SLC2A12: variants seen among roughly 807,000 people sequenced by gnomAD.
SLC2A12 encodes the protein solute carrier family 2, facilitated glucose transporter member 12.
SLC2A12 carries 23 observed loss-of-function variants against 41.8 expected under a neutral mutation model. The ratio of observed to expected loss-of-function variants is 0.55; its 90% CI spans 0.40 to 0.78. The LOEUF is 0.78. Among genes scored for constraint, SLC2A12 ranks in the 30% least tolerant of loss-of-function variants. The pLI is 0.00. For synonymous variants in SLC2A12, 295 were observed against 285.9 expected, an observed-to-expected ratio of 1.03 and a Z score of -0.32; for missense variants, 654 against 745.6, an observed-to-expected ratio of 0.88 and a Z score of 1.43.
At position 133,987,648 on chromosome 6, in the gene SLC2A12, G is replaced by GTGTGTGTATATATATATATATATATA. The variant is rs200249148; in HGVS notation, c.*3506_*3507insTATATATATATATATATATACACACA. The GTGTGTGTATATATATATATATATATA allele has an allele frequency of 9.1e-5, 8 of 88,320 alleles. No homozygotes were observed. The highest frequency in any genetic ancestry group is 2.5e-4 in the African/African-American group (7 of 27,502). The allele number at this position is 88,320 out of a possible 1,614,324, so 5.5% of individuals were successfully genotyped here. A position where few individuals can be genotyped will look rare whatever the true frequency, so the allele number is the denominator to read the frequency against. On this transcript the variant is annotated 3_prime_UTR_variant, in exon 5 of 5. Coordinates refer to ENST00000275230, the MANE Select transcript of SLC2A12 (RefSeq NM_145176.3). ...TTTGTGTGTGTGTGTGTGTGTGTGT[G>GTGTGTGTATATATATATATATATATA]TATATATATATATATATATGCACCA...
intron 1 of SLC2A12, among the ~76,000 whole-genome samples, chr6:134,047,099 T>A (rs978500945): frequency 9.2e-5 from 14 of 152,218 alleles, no homozygotes; most frequent in African/African-American, 3.4e-4. Flanking sequence ...AAATAGCCTC[T>A]TGGGAAGGAG....
chr6:134,049,448 G>C (rs1773642982), intron 1 of SLC2A12, among the ~76,000 whole-genome samples: 1 of 152,340 alleles, frequency 6.6e-6, no homozygotes, highest in African/African-American at 2.4e-5. Flanking sequence ...CTGGGCCAGA[G>C]GCCACCAGGG....
chr6:134,003,894 T>C (rs1487831219), intron 3 of SLC2A12, among the ~76,000 whole-genome samples: 1 of 152,254 alleles, frequency 6.6e-6, no homozygotes, highest in East Asian at 1.9e-4. Context: ...TGTTGGTGTT[T>C]AAGGGCTTAC....
At chr6:134,031,999 A>G (rs1012456045) in intron 1 of SLC2A12, among the ~76,000 whole-genome samples, 2 of 152,188 alleles carry the variant, frequency 1.3e-5, no homozygotes, top group Non-Finnish European at 2.9e-5. Flanking sequence ...GTGTAAGTCA[A>G]ATGTTAGAAA....
At chr6:134,000,568 T>A (rs551781174) in intron 4 of SLC2A12, among the ~76,000 whole-genome samples, 14 of 152,364 alleles carry the variant, frequency 9.2e-5, no homozygotes, top group Non-Finnish European at 2.1e-4. Context: ...CCTCCCATTA[T>A]ATTAAAACCC....
intron 4 of SLC2A12, among the ~76,000 whole-genome samples, chr6:134,000,911 T>A (rs1404676108): frequency 6.6e-6 from 1 of 152,218 alleles, no homozygotes; most frequent in Non-Finnish European, 1.5e-5. Flanking sequence ...TGAGAGTTTT[T>A]CTGCTAATCT....
chr6:134,029,799 AC>A, intron 1 of SLC2A12, 78 bp from the exon 2 acceptor site: 1 of 1,497,966 alleles, frequency 6.7e-7, no homozygotes. Context: ...CGGAGATTTA[AC>A]CTTGTAGAAG....
At chr6:133,992,184 T>G (rs896231919) in intron 4 of SLC2A12, among the ~76,000 whole-genome samples, 9 of 152,118 alleles carry the variant, frequency 5.9e-5, no homozygotes, top group Non-Finnish European at 1.0e-4. Flanking sequence ...GCTTTGTGCG[T>G]GTGTGCGTGA....
At chr6:134,029,830 T>A in intron 1 of SLC2A12, 109 bp from the exon 2 acceptor site, 1 of 1,298,602 alleles carries the variant, frequency 7.7e-7, no homozygotes, top group Non-Finnish European at 1.0e-6. Flanking sequence ...GCACTGGGTT[T>A]AAACGAACAC....
chr6:133,998,904 C>T (rs1039236715), intron 4 of SLC2A12, among the ~76,000 whole-genome samples: 1 of 152,148 alleles, frequency 6.6e-6, no homozygotes, highest in Non-Finnish European at 1.5e-5. Flanking sequence ...GGTGCATATA[C>T]ACAAAGTGGA....
At chr6:134,018,768 T>C (rs1380615937) in intron 2 of SLC2A12, among the ~76,000 whole-genome samples, 1 of 152,160 alleles carries the variant, frequency 6.6e-6, no homozygotes, top group African/African-American at 2.4e-5. Flanking sequence ...TTTTTTCTTT[T>C]CGTCTGTCCC....
chr6:134,032,562 G>A (rs1463887909), intron 1 of SLC2A12, among the ~76,000 whole-genome samples: 2 of 144,198 alleles, frequency 1.4e-5, no homozygotes, highest in Non-Finnish European at 3.0e-5. Flanking sequence ...TTTAGCTGTG[G>A]TCTCAGTTGC....
intron 1 of SLC2A12, among the ~76,000 whole-genome samples, chr6:134,037,656 G>T (rs1235897270): frequency 1.3e-5 from 2 of 152,012 alleles, no homozygotes; most frequent in Admixed American, 1.3e-4. Flanking sequence ...GGCCAGGTTA[G>T]CTTTACTCTC....
chr6:134,002,466 A>C (rs1776765249), intron 3 of SLC2A12, among the ~76,000 whole-genome samples: 2 of 152,128 alleles, frequency 1.3e-5, no homozygotes, highest in Non-Finnish European at 2.9e-5. Flanking sequence ...ACCTCAAATA[A>C]CATGGAAACA....
intron 3 of SLC2A12, among the ~76,000 whole-genome samples, chr6:134,004,157 C>T (rs1038681808): frequency 1.3e-5 from 2 of 152,158 alleles, no homozygotes; most frequent in Admixed American, 6.5e-5. Context: ...GTCATCTTTT[C>T]CATCCCTCAT....
chr6:134,015,559 T>C (rs1776949016), intron 2 of SLC2A12, among the ~76,000 whole-genome samples: 1 of 152,172 alleles, frequency 6.6e-6, no homozygotes, highest in African/African-American at 2.4e-5. Flanking sequence ...TCTGAAGATA[T>C]GTAATTATCC....
At chr6:134,006,753 T>C in intron 3 of SLC2A12, 59 bp downstream of exon 3, 2 of 1,602,170 alleles carry the variant, frequency 1.2e-6, no homozygotes, top group African/African-American at 2.7e-5. Flanking sequence ...GTGGGTGTGA[T>C]TCCCTAACAT....
intron 1 of SLC2A12, among the ~76,000 whole-genome samples, chr6:134,036,247 C>A (rs1015292863): frequency 3.3e-5 from 5 of 151,868 alleles, no homozygotes; most frequent in African/African-American, 1.2e-4. Flanking sequence ...TTAAAAGACA[C>A]CCCCACCCCC....
chr6:134,039,083 G>T (rs552478764), intron 1 of SLC2A12, among the ~76,000 whole-genome samples: 1 of 152,120 alleles, frequency 6.6e-6, no homozygotes, highest in Non-Finnish European at 1.5e-5. Flanking sequence ...TCTGCTACTT[G>T]TTGAGTTCTT....
Sources: gnomAD v4.1 joint callset for allele counts (sites outside exome capture counted in the v4.1 genomes callset) on GRCh38, gnomAD v4.1.1 for gene constraint, MANE v1.5 for transcripts, NCBI Gene and HGNC (gene_info 2026-07-23, HGNC 2026-07-21) for gene names.